Variants in LIMA1 observed in about 807,000 individuals in gnomAD.
LIMA1 encodes the protein LIM domain and actin-binding protein 1.
In LIMA1, 52 loss-of-function variants were observed where a neutral mutation model predicts 62.6. That is an observed-to-expected ratio of 0.83 (90% CI 0.67 to 1.05). The LOEUF (loss-of-function observed/expected upper bound fraction) is 1.05. Ranked by LOEUF, LIMA1 falls within the 50% of genes least tolerant of loss-of-function variation. The pLI, the probability that LIMA1 is intolerant of heterozygous loss-of-function variation, is 0.00. For missense variants in LIMA1, 780 were observed against 902.2 expected, an observed-to-expected ratio of 0.86 and a Z score of 1.74; for synonymous variants, 302 against 317.8, an observed-to-expected ratio of 0.95 and a Z score of 0.53.
chr12:50,226,771 G>A (rs554278252), intron 3 of LIMA1, among the ~76,000 whole-genome samples: 46 of 151,604 alleles, frequency 3.0e-4, no homozygotes, highest in Admixed American at 5.3e-4. Flanking sequence ...CCCGGGAGGC[G>A]GAGGTTGCAG....
chr12:50,208,418 G>A (rs964787779), intron 4 of LIMA1, among the ~76,000 whole-genome samples: 3 of 152,166 alleles, frequency 2.0e-5, no homozygotes, highest in Non-Finnish European at 2.9e-5. Context: ...CCCAGGAGGC[G>A]GAGGTTGCAG....
chr12:50,280,000 AAGGACTG>A (rs964603892), intron 1 of LIMA1, among the ~76,000 whole-genome samples: 50 of 152,282 alleles, frequency 3.3e-4, no homozygotes, highest in African/African-American at 1.2e-3. Flanking sequence ...AACATATTTG[AAGGACTG>A]TAAAGTTTTC....
chr12:50,186,975 C>G (rs537426841), intron 9 of LIMA1: 2 of 152,126 alleles, frequency 1.3e-5, no homozygotes, highest in Non-Finnish European at 2.9e-5. Flanking sequence ...ATTAATCCCA[C>G]GACAGCAATT....
chr12:50,181,088 G>A (rs1029143651), intron 10 of LIMA1, among the ~76,000 whole-genome samples: 2 of 146,798 alleles, frequency 1.4e-5, no homozygotes, highest in Admixed American at 6.8e-5. Context: ...CTCCACCCTG[G>A]GCAACAGAGT....
chr12:50,270,928 TA>T (rs1260846096), intron 1 of LIMA1, among the ~76,000 whole-genome samples: 1 of 151,294 alleles, frequency 6.6e-6, no homozygotes, highest in Non-Finnish European at 1.5e-5. Context: ...CCGTCTCTAC[TA>T]AAAACACAAA....
chr12:50,266,105 T>C (rs1441446087), intron 1 of LIMA1, among the ~76,000 whole-genome samples: 1 of 152,216 alleles, frequency 6.6e-6, no homozygotes, highest in Non-Finnish European at 1.5e-5. Flanking sequence ...CCAGCTCTTG[T>C]CTGCCCTCCC....
At chr12:50,183,174 C>T (rs1367683010) in intron 9 of LIMA1, among the ~76,000 whole-genome samples, 3 of 152,016 alleles carry the variant, frequency 2.0e-5, no homozygotes, top group African/African-American at 7.3e-5. Flanking sequence ...TGCACTCCAG[C>T]CTGGGCGACA....
chr12:50,237,920 A>C (rs1441243702), intron 2 of LIMA1, among the ~76,000 whole-genome samples: 3 of 152,240 alleles, frequency 2.0e-5, no homozygotes, highest in African/African-American at 7.2e-5. Flanking sequence ...TACCATATAC[A>C]AAAATTAAGT....
At chr12:50,260,083 T>C (rs1049391435) in intron 1 of LIMA1, among the ~76,000 whole-genome samples, 1 of 152,086 alleles carries the variant, frequency 6.6e-6, no homozygotes, top group Non-Finnish European at 1.5e-5. Context: ...AAGTCACTTA[T>C]TCCACATGAT....
chr12:50,223,440 G>A (rs180717229), intron 3 of LIMA1, among the ~76,000 whole-genome samples: 217 of 148,528 alleles, frequency 1.5e-3, no homozygotes, highest in African/African-American at 4.9e-3. Flanking sequence ...CCAAGACTGC[G>A]CCACTACACT....
chr12:50,184,547 C>T (rs906347923), intron 9 of LIMA1, among the ~76,000 whole-genome samples: 2 of 152,136 alleles, frequency 1.3e-5, no homozygotes, highest in Non-Finnish European at 2.9e-5. Context: ...GAGGCTGAGG[C>T]ACAAGAATCA....
At chr12:50,241,137 C>T (rs765107912) in intron 2 of LIMA1, among the ~76,000 whole-genome samples, 3 of 152,096 alleles carry the variant, frequency 2.0e-5, no homozygotes, top group Non-Finnish European at 4.4e-5. Context: ...AGTTTTTCAC[C>T]ATTGCAAATA....
rs574787177 is a variant in LIMA1 at position 50,264,417 on chromosome 12, A to G, written c.-23-15643T>C. On this transcript the variant is annotated intron_variant, in intron 1 of 10. Transcript: ENST00000341247. ...TTTAAACAATGGCTTGAAAATCATT[A>G]GACTCGATGACAGATGATCACTGAG... 7.2e-4 allele frequency among the ~76,000 whole-genome samples: 109 copies of G among 152,338 alleles called. 1 individual carries two copies. The highest frequency in any genetic ancestry group is 1.4e-3 in the Non-Finnish European group (94 of 68,032).
chr12:50,206,167 T>C, intron 4 of LIMA1, 99 bp from the exon 5 acceptor site: 1 of 854,742 alleles, frequency 1.2e-6, no homozygotes. Context: ...AATCCAGATT[T>C]GATTTTATAT....
chr12:50,193,770 T>A (rs1316987123), intron 8 of LIMA1, among the ~76,000 whole-genome samples: 14 of 139,604 alleles, frequency 1.0e-4, no homozygotes, highest in Non-Finnish European at 9.2e-5. Flanking sequence ...GCTCAAGTGA[T>A]CCTCCTGCCT....
intron 1 of LIMA1, among the ~76,000 whole-genome samples, chr12:50,264,490 C>G (rs1294847366): frequency 6.6e-6 from 1 of 152,206 alleles, no homozygotes; most frequent in African/African-American, 2.4e-5. Flanking sequence ...CCTTGCCCAC[C>G]CTTACCCCAT....
chr12:50,276,599 G>A (rs1044973487), intron 1 of LIMA1, among the ~76,000 whole-genome samples: 1 of 152,138 alleles, frequency 6.6e-6, no homozygotes, highest in African/African-American at 2.4e-5. Flanking sequence ...GGCTGGGTGT[G>A]GTGGCTCACG....
At position 50,217,226 on chromosome 12, in the gene LIMA1, C is replaced by CT. The variant is rs551671285; in HGVS notation, c.630+4794_630+4795insA. Among the ~76,000 whole-genome samples the CT allele has an allele frequency of 1.9e-3, 291 of 151,994 alleles. 1 individual carries two copies. Among genetic ancestry groups the CT allele is most frequent in the African/African-American group, 6.3e-3 (262 of 41,448 alleles). The stretch of plus-strand genomic sequence containing the variant: ...ACAAGTTCATATACAGTCAAGCAAG[C>CT]ACCCCAAAAATCCCAGAATTGAAAA... On this transcript the variant is annotated intron_variant, in intron 4 of 10. Transcript: ENST00000341247.
intron 1 of LIMA1, among the ~76,000 whole-genome samples, chr12:50,262,030 C>A (rs942659262): frequency 6.6e-6 from 1 of 151,972 alleles, no homozygotes; most frequent in African/African-American, 2.4e-5. Flanking sequence ...ATGTTTATTC[C>A]AAAATAAATC....
Sources: gnomAD v4.1 joint callset for allele counts (sites outside exome capture counted in the v4.1 genomes callset) on GRCh38, gnomAD v4.1.1 for gene constraint, MANE v1.5 for transcripts, NCBI Gene and HGNC (gene_info 2026-07-23, HGNC 2026-07-21) for gene names.